Variants in PAN3 observed in about 807,000 individuals in gnomAD.
PAN3 encodes the protein PAN2-PAN3 deadenylation complex subunit PAN3.
In PAN3, 19 loss-of-function variants were observed where a neutral mutation model predicts 96.2. That is an observed-to-expected ratio of 0.20 (90% confidence interval 0.14 to 0.29). The LOEUF is 0.29. Among genes scored for constraint, PAN3 ranks in the 10% least tolerant of loss-of-function variants. PAN3 has a pLI of 1.00. For missense variants in PAN3, 882 were observed against 1,108.1 expected, an observed-to-expected ratio of 0.80 and a Z score of 2.90; for synonymous variants, 433 against 406.6, an observed-to-expected ratio of 1.06 and a Z score of -0.78.
intron 14 of PAN3, among the ~76,000 whole-genome samples, chr13:28,272,646 C>T (rs1357602336): frequency 2.0e-5 from 3 of 151,500 alleles, no homozygotes; most frequent in Non-Finnish European, 4.4e-5. Context: ...CTCAACTCAC[C>T]ACAACCTCTG....
chr13:28,267,468 T>C, intron 12 of PAN3, 67 bp downstream of exon 12: 1 of 1,245,274 alleles, frequency 8.0e-7, no homozygotes, highest in Non-Finnish European at 1.2e-6. Context: ...AGTAGTTTTC[T>C]ATTTTAAAAT....
intron 4 of PAN3, among the ~76,000 whole-genome samples, chr13:28,184,368 GTT>G (rs1483367973): frequency 6.6e-6 from 1 of 152,108 alleles, no homozygotes; most frequent in Non-Finnish European, 1.5e-5. Flanking sequence ...GGAAATAGAA[GTT>G]TGAGAGATCA....
intron 5 of PAN3, among the ~76,000 whole-genome samples, chr13:28,210,651 G>T (rs1879921177): frequency 6.6e-6 from 1 of 151,666 alleles, no homozygotes; most frequent in South Asian, 2.1e-4. Flanking sequence ...GTCAGTTTCT[G>T]ACTAACCCAG....
chr13:28,229,822 C>T (rs1882353091), intron 6 of PAN3, among the ~76,000 whole-genome samples: 1 of 152,132 alleles, frequency 6.6e-6, no homozygotes, highest in African/African-American at 2.4e-5. Context: ...TGCGTGGTTC[C>T]ATCCCCAGAG....
chr13:28,243,167 G>T (rs543127023), intron 6 of PAN3, among the ~76,000 whole-genome samples: 3 of 152,032 alleles, frequency 2.0e-5, no homozygotes, highest in South Asian at 4.1e-4. Flanking sequence ...ATAGAGAAGT[G>T]CTCATAGTTG....
chr13:28,287,269 A>G (rs1424974576), intron 17 of PAN3, among the ~76,000 whole-genome samples: 1 of 152,136 alleles, frequency 6.6e-6, no homozygotes, highest in Non-Finnish European at 1.5e-5. Context: ...TTCTGTAATC[A>G]TTGTTTTTAC....
intron 7 of PAN3, among the ~76,000 whole-genome samples, chr13:28,257,777 A>G (rs1020746124): frequency 1.4e-5 from 2 of 139,280 alleles, no homozygotes; most frequent in African/African-American, 2.6e-5. Context: ...TTATATATAA[A>G]TTATATATAA....
At chr13:28,230,228 A>G (rs2138432000) in intron 6 of PAN3, among the ~76,000 whole-genome samples, 1 of 152,218 alleles carries the variant, frequency 6.6e-6, no homozygotes, top group South Asian at 2.1e-4. Flanking sequence ...GAATTCATGA[A>G]TATAGGAGTT....
At chr13:28,146,677 G>A (rs919581097) in intron 1 of PAN3, among the ~76,000 whole-genome samples, 7 of 152,058 alleles carry the variant, frequency 4.6e-5, no homozygotes, top group African/African-American at 1.4e-4. Context: ...AAGTATTTGT[G>A]TATTAAAACA....
At chr13:28,239,201 G>GCACACACA (rs561281678) in intron 6 of PAN3, among the ~76,000 whole-genome samples, 5 of 101,256 alleles carry the variant, frequency 4.9e-5, no homozygotes, top group Admixed American at 4.2e-4. Flanking sequence ...ATGCACACAC[G>GCACACACA]CACACACACA....
At chr13:28,239,199 A>G (rs376871833) in intron 6 of PAN3, among the ~76,000 whole-genome samples, 6 of 113,084 alleles carry the variant, frequency 5.3e-5, no homozygotes, top group South Asian at 6.2e-4. Context: ...GCATGCACAC[A>G]CGCACACACA....
intron 6 of PAN3, among the ~76,000 whole-genome samples, chr13:28,229,263 T>C (rs45573139): frequency 9.5e-4 from 144 of 152,318 alleles, no homozygotes; most frequent in African/African-American, 3.4e-3. Flanking sequence ...TTTAAAAATA[T>C]CACCAAAGCA....
intron 1 of PAN3, among the ~76,000 whole-genome samples, chr13:28,148,529 A>G (rs769744853): frequency 6.6e-6 from 1 of 152,238 alleles, no homozygotes; most frequent in Admixed American, 6.5e-5. Flanking sequence ...AATGTAATAC[A>G]TGCACAGGTT....
intron 6 of PAN3, among the ~76,000 whole-genome samples, chr13:28,233,467 A>G (rs1237286026): frequency 2.6e-5 from 4 of 152,030 alleles, no homozygotes; most frequent in Non-Finnish European, 4.4e-5. Context: ...GGGTTTCACC[A>G]TGTTGGCCAG....
chr13:28,205,716 G>A (rs1268524881), intron 5 of PAN3, among the ~76,000 whole-genome samples: 1 of 151,910 alleles, frequency 6.6e-6, no homozygotes, highest in Non-Finnish European at 1.5e-5. Context: ...GGTGACATGT[G>A]CTTGTAGTCT....
chr13:28,196,305 GA>G (rs1260822213), intron 4 of PAN3, among the ~76,000 whole-genome samples: 6 of 151,930 alleles, frequency 3.9e-5, no homozygotes, highest in African/African-American at 1.4e-4. Context: ...TTTCTGAAGG[GA>G]AAAAATACAT....
chr13:28,266,127 A>G (rs1390541010), intron 9 of PAN3, among the ~76,000 whole-genome samples: 3 of 152,158 alleles, frequency 2.0e-5, no homozygotes, highest in African/African-American at 7.2e-5. Context: ...AATACAAAAT[A>G]GTGTATAGAA....
intron 4 of PAN3, among the ~76,000 whole-genome samples, chr13:28,195,794 C>A (rs558727207): frequency 6.6e-6 from 1 of 152,118 alleles, no homozygotes; most frequent in East Asian, 1.9e-4. Context: ...CCTCGGCTTC[C>A]CAAAGTGCTG....
chr13:28,167,017 G>T (rs1427672535), intron 1 of PAN3, among the ~76,000 whole-genome samples: 1 of 150,970 alleles, frequency 6.6e-6, no homozygotes, highest in African/African-American at 2.4e-5. Context: ...TTGTCTTGAT[G>T]AATATCAGTT....
Sources: gnomAD v4.1 joint callset for allele counts (sites outside exome capture counted in the v4.1 genomes callset) on GRCh38, gnomAD v4.1.1 for gene constraint, MANE v1.5 for transcripts, NCBI Gene and HGNC (gene_info 2026-07-23, HGNC 2026-07-21) for gene names.